The following ATP8A1 variants were observed in gnomAD, a reference collection of about 807,000 sequenced individuals.
The protein encoded by ATP8A1 is phospholipid-transporting ATPase IA.
In ATP8A1, 90 loss-of-function variants were observed where a neutral mutation model predicts 177.7. The observed-to-expected ratio is 0.51, with a 90% confidence interval of 0.43 to 0.60. The LOEUF (loss-of-function observed/expected upper bound fraction) is 0.60. Among genes scored for constraint, ATP8A1 ranks in the 20% least tolerant of loss-of-function variants. The probability of loss-of-function intolerance (pLI) is 0.00; values close to 1 mark genes in which losing one functional copy is unlikely to be tolerated. For synonymous variants in ATP8A1, 493 were observed against 485.9 expected (o/e 1.01, Z -0.19); for missense variants, 1,072 against 1,392.8 (o/e 0.77, Z 3.67).
chr4:42,437,261 A>T lies in ATP8A1; in HGVS notation c.3123+6304T>A, dbSNP rs563074914. Among the ~76,000 whole-genome samples, 9 of 152,320 alleles carry T rather than the reference A, an allele frequency of 5.9e-5. No homozygotes were observed. The South Asian group carries it at 1.9e-3, about 32-fold the overall frequency. On this transcript the variant is annotated intron_variant, in intron 33 of 36. Transcript: ENST00000381668. ...GGTTTTTTATTTTTTAATCTGGTTT[A>T]TTAATCATTGGCTAAACTATTTTCT... is the stretch of plus-strand genomic sequence containing the variant.
chr4:42,542,100 T>C (rs886083794), intron 20 of ATP8A1, among the ~76,000 whole-genome samples: 3 of 151,990 alleles, frequency 2.0e-5, no homozygotes, highest in Non-Finnish European at 4.4e-5. Flanking sequence ...ATGTTGATAA[T>C]GGGGAGGCTA....
chr4:42,509,675 A>G (rs2153195027), intron 22 of ATP8A1, among the ~76,000 whole-genome samples: 1 of 152,042 alleles, frequency 6.6e-6, no homozygotes, highest in East Asian at 1.9e-4. Context: ...ACACGGTGAA[A>G]CCTCGTCTCT....
chr4:42,510,756 A>G (rs1022156604), intron 22 of ATP8A1, among the ~76,000 whole-genome samples: 2 of 152,216 alleles, frequency 1.3e-5, no homozygotes, highest in Admixed American at 6.5e-5. Context: ...AAAATACATT[A>G]CCACTCACAT....
At chr4:42,472,013 A>C (rs529009121) in intron 25 of ATP8A1, 6 of 720,180 alleles carry the variant, frequency 8.3e-6, no homozygotes, top group South Asian at 5.4e-5. Context: ...CTGTTCCTCA[A>C]CTGAAATCTT....
chr4:42,608,875 A>G (rs755663853), intron 5 of ATP8A1, among the ~76,000 whole-genome samples: 38 of 152,312 alleles, frequency 2.5e-4, no homozygotes, highest in South Asian at 1.0e-3. Context: ...CAACATTAAA[A>G]TATTATTTTA....
intron 24 of ATP8A1, among the ~76,000 whole-genome samples, chr4:42,498,136 T>C (rs1433015686): frequency 2.6e-5 from 4 of 152,252 alleles, no homozygotes; most frequent in Non-Finnish European, 4.4e-5. Flanking sequence ...ATATATTGTA[T>C]GAGACTCATG....
At chr4:42,457,976 G>A (rs1178981405) in intron 27 of ATP8A1, among the ~76,000 whole-genome samples, 1 of 152,118 alleles carries the variant, frequency 6.6e-6, no homozygotes, top group Non-Finnish European at 1.5e-5. Flanking sequence ...ATTTTTAAGG[G>A]TTAACATTTT....
chr4:42,607,545 G>C (rs1415671992), intron 5 of ATP8A1, among the ~76,000 whole-genome samples: 1 of 151,878 alleles, frequency 6.6e-6, no homozygotes, highest in Non-Finnish European at 1.5e-5. Context: ...CCTAAGTTTA[G>C]AGAAAGCAAG....
At chr4:42,609,530 G>A (rs1032089992) in intron 5 of ATP8A1, among the ~76,000 whole-genome samples, 2 of 152,084 alleles carry the variant, frequency 1.3e-5, no homozygotes, top group Non-Finnish European at 2.9e-5. Context: ...AACTCCTTGC[G>A]ATCTGGCTTC....
chr4:42,521,325 C>T (rs1003747237), intron 22 of ATP8A1, among the ~76,000 whole-genome samples: 5 of 152,074 alleles, frequency 3.3e-5, no homozygotes, highest in African/African-American at 7.2e-5. Context: ...TACTCTCAGC[C>T]AAATTACTTA....
rs61735691 is a variant in ATP8A1, at chr4:42,455,528, G to A, written c.2691C>T (p.Asn897=). ...LFERWCIGLY[N]VMFTAMPPLT... ...TTATCAAATGTCCTAAACTTACCACGTTATAGAGACCTATACACCATCTTT... is the reference window on the plus strand; with the variant it reads ...TTATCAAATGTCCTAAACTTACCACATTATAGAGACCTATACACCATCTTT... The change falls in exon 28 of 37, where the codon AAC becomes AAT. Residue 897 remains asparagine (N), a synonymous_variant. Transcript: ENST00000381668. 95,825 of 1,613,260 alleles carry A rather than the reference G, an allele frequency of 0.059. 6,280 individuals carry two copies. The highest frequency in any genetic ancestry group is 0.34 in the African/African-American group (25,317 of 74,882).
intron 16 of ATP8A1, among the ~76,000 whole-genome samples, chr4:42,553,699 C>T (rs1298652640): frequency 6.6e-6 from 1 of 152,024 alleles, no homozygotes; most frequent in African/African-American, 2.4e-5. Context: ...CAAGCTAGAA[C>T]AGTGGACTAA....
chr4:42,594,171 T>C, intron 6 of ATP8A1: 1 of 570,868 alleles, frequency 1.8e-6, no homozygotes, highest in Non-Finnish European at 3.1e-6. Flanking sequence ...TAAATAAAAA[T>C]TATTAGAGAG....
intron 24 of ATP8A1, among the ~76,000 whole-genome samples, chr4:42,495,366 TATTG>T (rs774682179): frequency 2.2e-4 from 34 of 152,226 alleles, no homozygotes; most frequent in Non-Finnish European, 4.1e-4. Flanking sequence ...TACAATGTGT[TATTG>T]ATTCAGTGGA....
rs1390324721 is a variant in ATP8A1 at position 42,552,532 on chromosome 4, T to C, written c.1492A>G (p.Lys498Glu). 14 of 1,612,820 alleles carry C rather than the reference T, an allele frequency of 8.7e-6. No individual in the cohort carries two copies. Among genetic ancestry groups the C allele is most frequent in the Non-Finnish European group, 1.2e-5 (14 of 1,179,508 alleles). Residue 498 changes from lysine (K) to glutamate (E), a missense_variant, in exon 17 of 37, where the codon AAG becomes GAG. By Grantham distance (56) the Lys-to-Glu change is moderately conservative. Around this residue, in one of 5 missense-constraint regions of ATP8A1, gnomAD observed 388 missense variants for 471.7 expected, o/e 0.82. Transcript: ENST00000381668. ...GGAGATGCTGCTTGATAAATAATCT[T>C]GTCACCTTCTCGCTCTGGCACTGCT... Reference protein sequence around the residue: ...HTAVPEREGDKIIYQAASPDE... With the variant: ...HTAVPEREGDEIIYQAASPDE...
intron 20 of ATP8A1, among the ~76,000 whole-genome samples, chr4:42,528,117 T>G (rs1052334810): frequency 6.6e-6 from 1 of 152,126 alleles, no homozygotes; most frequent in Non-Finnish European, 1.5e-5. Flanking sequence ...TAATGGAGTT[T>G]TAGCTCAGGT....
chr4:42,657,084 C>T lies in ATP8A1; in HGVS notation c.-211G>A, dbSNP rs1442427654. The T allele has an allele frequency of 2.4e-6, 1 of 420,456 alleles. No homozygotes were observed. Among genetic ancestry groups the T allele is most frequent in the Non-Finnish European group, 4.0e-6 (1 of 250,480 alleles). 26.0% of individuals were successfully genotyped at this position (420,456 alleles called of 1,614,324 possible). A position where few individuals can be genotyped will look rare whatever the true frequency, so the allele number is the denominator to read the frequency against. ...GCGGTGGCGGCGAAGGTGGCGGCGC[C>T]CGCAGAGCTGGGCGAGCTCTTGCTG... On this transcript the variant is annotated 5_prime_UTR_variant, in exon 1 of 37. Coordinates refer to ENST00000381668, the MANE Select transcript of ATP8A1 (RefSeq NM_006095.2).
At position 42,467,649 on chromosome 4, in the gene ATP8A1, C is replaced by T. The variant is rs528989346; in HGVS notation, c.2325-2573G>A. ...TGGAGGTTGCAGTGAGCTGAGATGG[C>T]GCCACTGCACTCCAGCCTGGGTGAC... On this transcript the variant is annotated intron_variant, in intron 25 of 36. Coordinates refer to ENST00000381668, the MANE Select transcript of ATP8A1 (RefSeq NM_006095.2). Among the ~76,000 whole-genome samples the T allele has an allele frequency of 1.2e-4, 18 of 152,214 alleles. No homozygotes were observed. The South Asian group carries it at 2.9e-3, about 25-fold the overall frequency.
chr4:42,485,832 G>A (rs1722140064), intron 24 of ATP8A1, among the ~76,000 whole-genome samples, 164 bp from the exon 25 acceptor site: 1 of 152,118 alleles, frequency 6.6e-6, no homozygotes, highest in Non-Finnish European at 1.5e-5. Flanking sequence ...TAGCCCCTCA[G>A]GAGCCTGCAC....
Sources: gnomAD v4.1 joint callset for allele counts (sites outside exome capture counted in the v4.1 genomes callset) on GRCh38, gnomAD v4.1.1 for gene constraint, gnomAD v4.1.1 regional missense constraint, MANE v1.5 for transcripts, NCBI Gene and HGNC (gene_info 2026-07-23, HGNC 2026-07-21) for gene names.